The following GAB1 variants were observed in gnomAD, a reference collection of about 807,000 sequenced individuals.
GAB1 encodes the protein GRB2 associated binding protein 1.
GAB1 carries 19 observed loss-of-function variants against 66.5 expected under a neutral mutation model. That is an observed-to-expected ratio of 0.29 (90% CI 0.20 to 0.42). The LOEUF is 0.42. Among genes scored for constraint, GAB1 ranks in the 10% least tolerant of loss-of-function variants. The pLI, the probability that GAB1 is intolerant of heterozygous loss-of-function variation, is 1.00. For synonymous variants in GAB1, 294 were observed against 301.4 expected (o/e 0.98, Z 0.25); for missense variants, 732 against 858.5 (o/e 0.85, Z 1.84).
chr4:143,369,186 C>A (rs1046701613), intron 1 of GAB1, among the ~76,000 whole-genome samples: 3 of 152,128 alleles, frequency 2.0e-5, no homozygotes, highest in Admixed American at 6.6e-5. Flanking sequence ...GGTGATCCAC[C>A]CACCTTGGCC....
rs1398353302 is a variant in GAB1 at position 143,469,260 on chromosome 4, T to C, written c.*71T>C. The C allele has an allele frequency of 1.4e-6, 2 of 1,475,338 alleles. No individual in the cohort carries two copies. The highest frequency in any genetic ancestry group is 1.4e-5 in the African/African-American group (1 of 71,554). The allele number at this position is 1,475,338 out of a possible 1,614,324, so 91.4% of individuals were successfully genotyped here. ...AGATAAATCCCTTTTGAAGAATGAC[T>C]TGACACTTCCACTCTAGGTAGATCC... On this transcript the variant is annotated 3_prime_UTR_variant, in exon 10 of 10. Transcript: ENST00000262994.
chr4:143,440,783 C>G (rs1279263734), intron 6 of GAB1, among the ~76,000 whole-genome samples: 2 of 152,130 alleles, frequency 1.3e-5, no homozygotes, highest in East Asian at 3.9e-4. Flanking sequence ...TCAGGAAAAG[C>G]CAGAGATTTC....
chr4:143,461,652 A>C (rs960225460), intron 8 of GAB1, among the ~76,000 whole-genome samples: 1 of 152,180 alleles, frequency 6.6e-6, no homozygotes, highest in Non-Finnish European at 1.5e-5. Context: ...CAGTGGGCCC[A>C]CCTAAAAATC....
At chr4:143,410,423 C>G (rs1560749796) in intron 1 of GAB1, among the ~76,000 whole-genome samples, 1 of 152,172 alleles carries the variant, frequency 6.6e-6, no homozygotes, top group Non-Finnish European at 1.5e-5. Flanking sequence ...AATATTACAG[C>G]CATTAATGGC....
At position 143,440,350 on chromosome 4, in the gene GAB1, C is replaced by A; in HGVS notation, c.1553C>A (p.Pro518His). The change falls in exon 6 of 10, where the codon CCC becomes CAC. Residue 518 changes from proline (P) to histidine (H), a missense_variant. Physicochemically the swap from Pro to His is moderately conservative, Grantham distance 77. Around this residue, in one of 4 missense-constraint regions of GAB1, gnomAD observed 204 missense variants for 276.8 expected, o/e 0.74. Coordinates refer to ENST00000262994, the MANE Select transcript of GAB1 (RefSeq NM_002039.4). ...PVPVADCEPPPVDRNLKPDRK... is the reference protein window; with the variant it reads ...PVPVADCEPPHVDRNLKPDRK... The stretch of plus-strand genomic sequence containing the variant: ...CCTGTTGCAGACTGTGAACCACCCC[C>A]CGTGGATAGGAACCTCAAGCCAGAC... The A allele has an allele frequency of 1.2e-6, 2 of 1,613,346 alleles. No homozygotes were observed. The highest frequency in any genetic ancestry group is 1.7e-6 in the Non-Finnish European group (2 of 1,179,580).
intron 6 of GAB1, among the ~76,000 whole-genome samples, chr4:143,456,376 G>A (rs942938993): frequency 1.3e-5 from 2 of 151,926 alleles, no homozygotes; most frequent in South Asian, 2.1e-4. Context: ...AGAATGGCAT[G>A]AGCCTGGGAG....
rs781328639 is a variant in GAB1 at position 143,433,448 on chromosome 4, GT to G, written c.368-40del. 3.1e-5 allele frequency: 45 copies of G among 1,443,628 alleles called. No individual in the cohort carries two copies. The African/African-American group carries it at 6.2e-4, about 20-fold the overall frequency. 89.4% of individuals were successfully genotyped at this position (1,443,628 alleles called of 1,614,324 possible). On this transcript the variant is annotated intron_variant, in intron 2 of 9. Coordinates refer to ENST00000262994, the MANE Select transcript of GAB1 (RefSeq NM_002039.4). ...AAGTAGCTTTGTTTTTCCAAAAATTGTTTAACTGTGATAGACGTGATAGTTA... is the reference window on the plus strand; with the variant it reads ...AAGTAGCTTTGTTTTTCCAAAAATTGTTAACTGTGATAGACGTGATAGTTA...
chr4:143,416,508 C>T (rs906952120), intron 2 of GAB1, among the ~76,000 whole-genome samples: 2 of 152,174 alleles, frequency 1.3e-5, no homozygotes, highest in African/African-American at 4.8e-5. Flanking sequence ...CAGTGGCTCA[C>T]ACCTATAATC....
At chr4:143,455,389 G>A (rs1735129860) in intron 6 of GAB1, among the ~76,000 whole-genome samples, 1 of 152,200 alleles carries the variant, frequency 6.6e-6, no homozygotes, top group South Asian at 2.1e-4. Context: ...AACTCGGTAA[G>A]ATTTAGCAGT....
At chr4:143,393,109 A>G (rs1453486658) in intron 1 of GAB1, among the ~76,000 whole-genome samples, 1 of 151,972 alleles carries the variant, frequency 6.6e-6, no homozygotes, top group Non-Finnish European at 1.5e-5. Context: ...ATTTGTCTAG[A>G]TGAAAAATAC....
At chr4:143,370,302 A>G (rs1297615240) in intron 1 of GAB1, among the ~76,000 whole-genome samples, 1 of 152,198 alleles carries the variant, frequency 6.6e-6, no homozygotes, top group Non-Finnish European at 1.5e-5. Flanking sequence ...GAGACTGTCC[A>G]CTGAGAACAT....
chr4:143,385,165 A>C (rs1021555800), intron 1 of GAB1, among the ~76,000 whole-genome samples: 2 of 152,164 alleles, frequency 1.3e-5, no homozygotes, highest in Non-Finnish European at 2.9e-5. Flanking sequence ...TCCTCTGTAA[A>C]AATAATCATA....
chr4:143,393,230 TAAAA>T (rs35271599), intron 1 of GAB1, among the ~76,000 whole-genome samples: 10 of 133,624 alleles, frequency 7.5e-5, no homozygotes, highest in African/African-American at 2.7e-4. Flanking sequence ...TTTTTTTTTT[TAAAA>T]AAAAAAAAAG....
chr4:143,389,436 G>A (rs1731078058), intron 1 of GAB1, among the ~76,000 whole-genome samples: 1 of 152,200 alleles, frequency 6.6e-6, no homozygotes. Context: ...TAGGCAGTGT[G>A]GTCGGGAGTT....
At chr4:143,338,082 A>G (rs950968665) in intron 1 of GAB1, among the ~76,000 whole-genome samples, 2 of 152,218 alleles carry the variant, frequency 1.3e-5, no homozygotes, top group African/African-American at 4.8e-5. Flanking sequence ...TGTAATTGAT[A>G]CAAGATGCTA....
intron 1 of GAB1, among the ~76,000 whole-genome samples, chr4:143,357,042 C>T (rs964764150): frequency 3.9e-5 from 6 of 152,074 alleles, no homozygotes; most frequent in African/African-American, 1.4e-4. Context: ...GGTAATCTAT[C>T]CTGGGTGGGT....
At chr4:143,400,449 C>A (rs1309664807) in intron 1 of GAB1, among the ~76,000 whole-genome samples, 1 of 152,210 alleles carries the variant, frequency 6.6e-6, no homozygotes, top group Non-Finnish European at 1.5e-5. Flanking sequence ...TTCCTTATAA[C>A]AGCTCATAAT....
chr4:143,389,645 G>A (rs1731091243), intron 1 of GAB1, among the ~76,000 whole-genome samples: 1 of 152,170 alleles, frequency 6.6e-6, no homozygotes, highest in Non-Finnish European at 1.5e-5. Flanking sequence ...TATGACCATT[G>A]TGTGAACATT....
At chr4:143,405,588 A>G (rs979334071) in intron 1 of GAB1, among the ~76,000 whole-genome samples, 1 of 152,202 alleles carries the variant, frequency 6.6e-6, no homozygotes, top group Non-Finnish European at 1.5e-5. Flanking sequence ...ACATTCATTC[A>G]TTTGTTCATT....
Sources: allele counts gnomAD v4.1 joint callset (sites outside exome capture counted in the v4.1 genomes callset), GRCh38; gene constraint gnomAD v4.1.1; regional missense constraint gnomAD v4.1.1; transcripts MANE v1.5; gene names NCBI Gene and HGNC (gene_info 2026-07-23, HGNC 2026-07-21).